PIR: variants seen among roughly 807,000 people sequenced by gnomAD.
The protein encoded by PIR is pirin.
PIR carries 22 observed loss-of-function variants against 24.2 expected under a neutral mutation model. The ratio of observed to expected loss-of-function variants is 0.91; its 90% CI spans 0.65 to 1.30. The LOEUF is 1.30. PIR is among the 50% of genes most tolerant of loss of function. The pLI is 0.00. For missense variants in PIR, 220 were observed against 220.3 expected, an observed-to-expected ratio of 1.00 and a Z score of 0.01; for synonymous variants, 80 against 79.6, an observed-to-expected ratio of 1.00 and a Z score of -0.03.
chrX:15,394,311 G>C (rs1442604647), intron 8 of PIR, among the ~76,000 whole-genome samples: 1 of 111,794 alleles, frequency 8.9e-6, no homozygotes. Context: ...AAGCAAAAAA[G>C]TTTTCTCTAG....
At chrX:15,418,698 A>G (rs113725729) in intron 6 of PIR, among the ~76,000 whole-genome samples, 1,893 of 112,095 alleles carry the variant, frequency 0.017, 41 homozygotes, top group African/African-American at 0.056. Flanking sequence ...GATGGTAAAA[A>G]TCGATTCAAA....
intron 7 of PIR, among the ~76,000 whole-genome samples, chrX:15,402,917 C>A (rs1409656174): frequency 8.9e-6 from 1 of 112,096 alleles, no homozygotes; most frequent in African/African-American, 3.2e-5. Context: ...AATTAAATTA[C>A]ATAATTTCAA....
At chrX:15,445,981 C>T (rs1926087528) in intron 5 of PIR, among the ~76,000 whole-genome samples, 1 of 108,252 alleles carries the variant, frequency 9.2e-6, no homozygotes, top group Admixed American at 9.9e-5. Flanking sequence ...AGGCACCCAC[C>T]ACCACGCCTG....
chrX:15,387,188 C>T (rs144553334), intron 9 of PIR, among the ~76,000 whole-genome samples: 1,415 of 100,289 alleles, frequency 0.014, 24 homozygotes, highest in African/African-American at 0.051. Context: ...CTCCGCCTCC[C>T]GGGTTCAAGT....
intron 5 of PIR, among the ~76,000 whole-genome samples, chrX:15,446,140 T>C (rs759160184): frequency 1.8e-5 from 2 of 111,877 alleles, no homozygotes; most frequent in African/African-American, 6.5e-5. Context: ...ATTCAAGATA[T>C]TTCTAAAAAC....
At chrX:15,422,745 A>G (rs1264619036) in intron 6 of PIR, among the ~76,000 whole-genome samples, 4 of 111,934 alleles carry the variant, frequency 3.6e-5, no homozygotes, top group Non-Finnish European at 7.5e-5. Context: ...CATTAAAATG[A>G]CAATACTACC....
Position 15,431,673 on chromosome X carries a change from C to G in PIR, c.481-5683G>C, listed in dbSNP as rs1297291656. On this transcript the variant is annotated intron_variant, in intron 5 of 9. Coordinates refer to ENST00000380420, the MANE Select transcript of PIR (RefSeq NM_001018109.3). ...AAGGTAAAAGTTAAAAAATAACCACCCCCCCCCCGAAAACCTTTGGAAAAT... is the reference window on the plus strand; with the variant it reads ...AAGGTAAAAGTTAAAAAATAACCACGCCCCCCCCGAAAACCTTTGGAAAAT... Among the ~76,000 whole-genome samples the G allele has an allele frequency of 2.1e-5, 2 of 96,525 alleles. 1 individual carries two copies. The highest frequency in any genetic ancestry group is 4.2e-5 in the Non-Finnish European group (2 of 48,046). 83.8% of individuals were successfully genotyped at this position (96,525 alleles called of 115,157 possible).
At chrX:15,460,797 C>T (rs1292610853) in intron 3 of PIR, among the ~76,000 whole-genome samples, 5 of 110,645 alleles carry the variant, frequency 4.5e-5, no homozygotes, top group Non-Finnish European at 7.6e-5. Context: ...CAAATCATCA[C>T]GTTGTACACC....
intron 5 of PIR, among the ~76,000 whole-genome samples, chrX:15,439,642 G>T (rs1055184478): frequency 1.2e-3 from 130 of 112,026 alleles, no homozygotes; most frequent in African/African-American, 3.6e-3. Context: ...GAAAAGGAAA[G>T]AAATATTTAT....
intron 3 of PIR, among the ~76,000 whole-genome samples, chrX:15,466,017 T>TTTG (rs1438722166): frequency 1.0e-5 from 1 of 99,571 alleles, no homozygotes; most frequent in African/African-American, 3.8e-5. Context: ...TTTTTTTTTT[T>TTTG]TTTTTTTTTT....
rs144487978 is a variant in PIR, at chrX:15,457,072, A to G, written c.274-1018T>C. 4.2e-3 allele frequency among the ~76,000 whole-genome samples: 473 copies of G among 112,234 alleles called. 2 individuals carry two copies. The highest frequency in any genetic ancestry group is 0.018 in the Middle Eastern group (4 of 217). On this transcript the variant is annotated intron_variant, in intron 4 of 9. Coordinates refer to ENST00000380420, the MANE Select transcript of PIR (RefSeq NM_001018109.3). ...GTAGGGAAGAGTGAGGCAAGGGAGA[A>G]AGCCAAAAAGAGTTGTTAATGAGAA...
At chrX:15,393,216 T>G (rs1367129700) in intron 8 of PIR, among the ~76,000 whole-genome samples, 2 of 112,235 alleles carry the variant, frequency 1.8e-5, no homozygotes, top group African/African-American at 3.2e-5. Context: ...TAAGCTCTTC[T>G]GGGTTTACTT....
chrX:15,440,195 G>A (rs998541165), intron 5 of PIR, among the ~76,000 whole-genome samples: 14 of 111,708 alleles, frequency 1.3e-4, no homozygotes, highest in African/African-American at 4.2e-4. Flanking sequence ...TACCCACAGT[G>A]TATTTATTTA....
At chrX:15,472,830 T>C (rs140032754) in intron 3 of PIR, among the ~76,000 whole-genome samples, 1,206 of 112,575 alleles carry the variant, frequency 0.011, 15 homozygotes, top group African/African-American at 0.037. Flanking sequence ...GTGTTCATTT[T>C]CTCTTTAAAC....
At chrX:15,401,062 T>C (rs1326676233) in intron 7 of PIR, among the ~76,000 whole-genome samples, 1 of 107,922 alleles carries the variant, frequency 9.3e-6, no homozygotes, top group Non-Finnish European at 1.9e-5. Context: ...TATTTATTTA[T>C]TTTCTTTTGA....
At chrX:15,448,598 G>A (rs1045255492) in intron 5 of PIR, among the ~76,000 whole-genome samples, 5 of 111,965 alleles carry the variant, frequency 4.5e-5, no homozygotes, top group African/African-American at 1.6e-4. Flanking sequence ...AAAATCCAGA[G>A]GTAGACAAAC....
intron 9 of PIR, among the ~76,000 whole-genome samples, chrX:15,388,895 G>A (rs927193590): frequency 1.8e-5 from 2 of 112,141 alleles, no homozygotes; most frequent in African/African-American, 6.5e-5. Flanking sequence ...TTGCTTCTCA[G>A]TAACTGAACT....
chrX:15,472,756 T>C (rs1338872669), intron 3 of PIR, among the ~76,000 whole-genome samples: 1 of 112,431 alleles, frequency 8.9e-6, no homozygotes, highest in African/African-American at 3.2e-5. Context: ...TGTGTAATCC[T>C]ATAAGTACAT....
Position 15,400,841 on chromosome X carries a change from C to T in PIR, c.611-3310G>A, listed in dbSNP as rs374553921. Reference sequence around the variant, plus strand: ...AGCTCACTGCAACCTCTGCCTCCCGCGATTATTCTGCCTCAGCCTCCTGAG... The same window carrying T: ...AGCTCACTGCAACCTCTGCCTCCCGTGATTATTCTGCCTCAGCCTCCTGAG... On this transcript the variant is annotated intron_variant, in intron 7 of 9. Coordinates refer to ENST00000380420, the MANE Select transcript of PIR (RefSeq NM_001018109.3). Among the ~76,000 whole-genome samples, 51 of 108,289 alleles carry T rather than the reference C, an allele frequency of 4.7e-4. 1 individual carries two copies. Among genetic ancestry groups the T allele is most frequent in the African/African-American group, 1.7e-3 (50 of 29,826 alleles). 94.0% of individuals were successfully genotyped at this position (108,289 alleles called of 115,157 possible). A position where few individuals can be genotyped will look rare whatever the true frequency, so the allele number is the denominator to read the frequency against.
Sources: allele counts gnomAD v4.1 joint callset (sites outside exome capture counted in the v4.1 genomes callset), GRCh38; gene constraint gnomAD v4.1.1; transcripts MANE v1.5; gene names NCBI Gene and HGNC (gene_info 2026-07-23, HGNC 2026-07-21).